The following DMKN variants were observed in gnomAD, a reference collection of about 807,000 sequenced individuals.
DMKN encodes epidermis-specific secreted protein SK30/SK89.
DMKN carries 58 observed loss-of-function variants against 67.6 expected under a neutral mutation model. That is an observed-to-expected ratio of 0.86 (90% CI 0.69 to 1.07). The LOEUF is 1.07. Ranked by LOEUF, DMKN falls within the 50% of genes least tolerant of loss-of-function variation. The probability of loss-of-function intolerance (pLI) is 0.00; values close to 1 mark genes in which losing one functional copy is unlikely to be tolerated. For synonymous variants in DMKN, 240 were observed against 232.3 expected, an observed-to-expected ratio of 1.03 and a Z score of -0.30; for missense variants, 596 against 601.5, an observed-to-expected ratio of 0.99 and a Z score of 0.10.
intron 5 of DMKN, 188 bp from the exon 6 acceptor site, chr19:35,510,440 GT>G (rs1351432921): frequency 5.8e-6 from 9 of 1,552,148 alleles, no homozygotes; most frequent in Non-Finnish European, 7.8e-6. Context: ...AGAAGGCCAG[GT>G]GTGGCCGAGG....
Position 35,506,261 on chromosome 19 carries a change from G to C in DMKN, c.1039-275C>G, listed in dbSNP as rs1275233758. ...GCCTGCCACCTGTCAACCTGCCCCG[G>C]ATTGCTTCATCCCCACCTCGGTCCA... On this transcript the variant is annotated intron_variant, in intron 7 of 15. Transcript: ENST00000339686. 2.1e-6 allele frequency: 3 copies of C among 1,414,896 alleles called. No individual in the cohort carries two copies. The East Asian group carries it at 7.5e-5, about 35-fold the overall frequency. The allele number at this position is 1,414,896 out of a possible 1,614,324, so 87.6% of individuals were successfully genotyped here. A position where few individuals can be genotyped will look rare whatever the true frequency, so the allele number is the denominator to read the frequency against.
chr19:35,504,449 C>T (rs536944226), intron 9 of DMKN, among the ~76,000 whole-genome samples: 57 of 151,920 alleles, frequency 3.8e-4, no homozygotes, highest in African/African-American at 1.3e-3. Flanking sequence ...TGGTGGCGGG[C>T]ACCTGTAAAC....
At chr19:35,502,985 T>G (rs2068689892) in intron 9 of DMKN, 99 bp from the exon 10 acceptor site, 1 of 1,345,934 alleles carries the variant, frequency 7.4e-7, no homozygotes, top group Non-Finnish European at 1.0e-6. Context: ...AGAATGTCAT[T>G]GTGACTAAGG....
rs774287278 is a variant in DMKN, at chr19:35,509,997, C to T, written c.988-36G>A. 6 of 1,613,480 alleles carry T rather than the reference C, an allele frequency of 3.7e-6. No individual in the cohort carries two copies. In the East Asian group the frequency reaches 1.1e-4, roughly 30 times the overall value. ...GAGAAAGGGGAGACTTTCCCTCAGT[C>T]CCCTCCCAGACCAGTCCCAGCCCCA... On this transcript the variant is annotated intron_variant, in intron 6 of 15. Transcript: ENST00000339686.
intron 5 of DMKN, chr19:35,510,579 G>A: frequency 6.6e-7 from 1 of 1,510,148 alleles, no homozygotes; most frequent in Non-Finnish European, 8.8e-7. Flanking sequence ...AAGTGGAAGG[G>A]ACCCTAGAGC....
At chr19:35,503,278 C>A (rs566508721) in intron 9 of DMKN, 1 of 1,493,176 alleles carries the variant, frequency 6.7e-7, no homozygotes. Context: ...ACAGCGGAGA[C>A]GTAAGAAAGG....
chr19:35,506,275 C>A, intron 7 of DMKN: 2 of 1,324,548 alleles, frequency 1.5e-6, no homozygotes, highest in Admixed American at 2.7e-5. Context: ...GCTTCATCCC[C>A]ACCTCGGTCC....
Position 35,500,441 on chromosome 19 carries a change from G to A in DMKN, c.1287+92C>T, listed in dbSNP as rs547929127. 1.9e-6 allele frequency: 3 copies of A among 1,556,030 alleles called. No homozygotes were observed. The South Asian group carries it at 3.6e-5, about 18-fold the overall frequency. On this transcript the variant is annotated intron_variant, in intron 12 of 15. Coordinates refer to ENST00000339686, the MANE Select transcript of DMKN (RefSeq NM_033317.5). ...CCGGCTGAGAAAGCCATTGAATGGA[G>A]GAGTGAAAGAGAATTTCAGATTGCC...
chr19:35,506,394 C>T (rs1343510383), intron 7 of DMKN: 2 of 638,590 alleles, frequency 3.1e-6, no homozygotes, highest in East Asian at 5.6e-5. Flanking sequence ...GGAACCCCAC[C>T]CAGTCCCCTG....
At chr19:35,512,542 G>A (rs2071021884) in intron 2 of DMKN, 48 bp downstream of exon 2, 1 of 1,613,894 alleles carries the variant, frequency 6.2e-7, no homozygotes. Context: ...GAGCATGTGG[G>A]CTTGGAGGGA....
intron 11 of DMKN, among the ~76,000 whole-genome samples, chr19:35,501,229 G>A (rs2068309340): frequency 6.6e-6 from 1 of 152,116 alleles, no homozygotes; most frequent in Non-Finnish European, 1.5e-5. Context: ...CACACACAGA[G>A]TGACAGTGAA....
At position 35,497,509 on chromosome 19, in the gene DMKN, G is replaced by C. The variant is rs188069104; in HGVS notation, c.*30C>G. 1 of 152,328 alleles carries C rather than the reference G, an allele frequency of 6.6e-6. No homozygotes were observed. Among genetic ancestry groups the C allele is most frequent in the African/African-American group, 2.4e-5 (1 of 41,558 alleles). 9.4% of individuals were successfully genotyped at this position (152,328 alleles called of 1,614,324 possible). ...AGCTCCCTGACGACCAGTGCTTTTC[G>C]GGGCCTCGGTGGTGGTTGCAAGAAA... On this transcript the variant is annotated 3_prime_UTR_variant, in exon 16 of 16. Coordinates refer to ENST00000339686, the MANE Select transcript of DMKN (RefSeq NM_033317.5).
intron 9 of DMKN, 115 bp downstream of exon 9, chr19:35,505,603 T>C (rs1008287725): frequency 1.4e-6 from 2 of 1,410,794 alleles, no homozygotes; most frequent in African/African-American, 2.9e-5. Flanking sequence ...TTTTTGTTTT[T>C]AGCACTGGCC....
chr19:35,506,359 C>A, intron 7 of DMKN: 1 of 664,894 alleles, frequency 1.5e-6, no homozygotes, highest in Non-Finnish European at 2.6e-6. Context: ...CTTGGGAAAG[C>A]TTTCTTAGAA....
intron 3 of DMKN, among the ~76,000 whole-genome samples, 176 bp downstream of exon 3, chr19:35,512,245 G>A (rs2070968933): frequency 6.6e-6 from 1 of 151,980 alleles, no homozygotes; most frequent in Non-Finnish European, 1.5e-5. Context: ...TGATCCACGT[G>A]CCTTGGCCTC....
At chr19:35,503,003 T>C (rs2068692702) in intron 9 of DMKN, 117 bp from the exon 10 acceptor site, 1 of 1,209,556 alleles carries the variant, frequency 8.3e-7, no homozygotes, top group Non-Finnish European at 1.1e-6. Context: ...AGGTTGGGGA[T>C]GGGAGGAGCT....
intron 1 of DMKN, 106 bp from the exon 2 acceptor site, chr19:35,512,896 C>T (rs945648770): frequency 1.3e-6 from 2 of 1,507,620 alleles, no homozygotes; most frequent in Middle Eastern, 4.6e-4. Context: ...CAGAGGGACT[C>T]CAGGGTGGCA....
Position 35,502,184 on chromosome 19 carries a change from C to T in DMKN, c.1192-1G>A. 1 of 1,614,112 alleles carries T rather than the reference C, an allele frequency of 6.2e-7. No homozygotes were observed. The highest frequency in any genetic ancestry group is 8.5e-7 in the Non-Finnish European group (1 of 1,180,026). On this transcript the variant is annotated splice_acceptor_variant, in intron 10 of 15. Coordinates refer to ENST00000339686, the MANE Select transcript of DMKN (RefSeq NM_033317.5). LOFTEE classifies it high-confidence loss of function. ...GGAAAGGAGTGTTCTGTTTGAAATC[C>T]TGCAGGGAGAAGGAGGGCAGAGTGG...
At chr19:35,512,125 G>C (rs1166090240) in intron 3 of DMKN, among the ~76,000 whole-genome samples, 1 of 150,960 alleles carries the variant, frequency 6.6e-6, no homozygotes, top group Non-Finnish European at 1.5e-5. Flanking sequence ...CGCCTCCCAA[G>C]TGGCTGCAAT....
Sources: gnomAD v4.1 joint callset for allele counts (sites outside exome capture counted in the v4.1 genomes callset) on GRCh38, gnomAD v4.1.1 for gene constraint, MANE v1.5 for transcripts, NCBI Gene and HGNC (gene_info 2026-07-23, HGNC 2026-07-21) for gene names.